The following ZNF644 variants were observed in gnomAD, a reference collection of about 807,000 sequenced individuals.
ZNF644 encodes the protein zinc finger motif enhancer binding protein 2.
A neutral mutation model predicts 108.0 loss-of-function variants in ZNF644; 20 were observed. That is an observed-to-expected ratio of 0.19 (90% confidence interval 0.13 to 0.27). The LOEUF is 0.27. Among genes scored for constraint, ZNF644 ranks in the 10% least tolerant of loss-of-function variants. The pLI, the probability that ZNF644 is intolerant of heterozygous loss-of-function variation, is 1.00. For synonymous variants in ZNF644, 542 were observed against 539.1 expected, an observed-to-expected ratio of 1.01 and a Z score of -0.08; for missense variants, 1,338 against 1,548.9, an observed-to-expected ratio of 0.86 and a Z score of 2.29.
chr1:91,000,672 A>C (rs1175137224), intron 1 of ZNF644, among the ~76,000 whole-genome samples: 6 of 152,234 alleles, frequency 3.9e-5, no homozygotes, highest in African/African-American at 1.4e-4. Flanking sequence ...AAAGCAAGAA[A>C]TAACTAAGAT....
At chr1:90,919,252 G>C (rs900317610) in intron 4 of ZNF644, among the ~76,000 whole-genome samples, 24 of 152,150 alleles carry the variant, frequency 1.6e-4, no homozygotes, top group African/African-American at 5.8e-4. Flanking sequence ...GGGATCCAAG[G>C]GGGGAGGGAT....
intron 4 of ZNF644, among the ~76,000 whole-genome samples, chr1:90,920,309 G>T (rs904842463): frequency 2.6e-5 from 4 of 151,960 alleles, no homozygotes; most frequent in Non-Finnish European, 4.4e-5. Flanking sequence ...ATAAATTACT[G>T]TAGGATACAA....
chr1:90,939,669 G>T lies in ZNF644; in HGVS notation c.1685C>A (p.Ala562Asp), dbSNP rs762150074. The T allele has an allele frequency of 6.2e-7, 1 of 1,613,924 alleles. No individual in the cohort carries two copies. Among genetic ancestry groups the T allele is most frequent in the Non-Finnish European group, 8.5e-7 (1 of 1,179,920 alleles). ...AGTCTTTTTTTGTGTTTTTCTCTGGGCAATATCAGAAGTGACCATAGGGCA... is the reference window on the plus strand; with the variant it reads ...AGTCTTTTTTTGTGTTTTTCTCTGGTCAATATCAGAAGTGACCATAGGGCA... ...VKCPMVTSDI[A>D]QRKTQKKTFM... Residue 562 changes from alanine to aspartate, a missense_variant, in exon 3 of 6, where the codon GCC becomes GAC. By Grantham distance (126) the Ala-to-Asp change is moderately radical (BLOSUM62 -2). Coordinates refer to ENST00000337393, the MANE Select transcript of ZNF644 (RefSeq NM_201269.3).
intron 2 of ZNF644, among the ~76,000 whole-genome samples, 164 bp downstream of exon 2, chr1:90,982,146 T>C (rs1656612407): frequency 6.6e-6 from 1 of 152,110 alleles, no homozygotes; most frequent in African/African-American, 2.4e-5. Flanking sequence ...TTTACTCCCA[T>C]CAAATCAACT....
rs1239177755 is a variant in ZNF644 at position 90,982,325 on chromosome 1, T to G, written c.29A>C (p.Asn10Thr). The G allele has an allele frequency of 6.2e-7, 1 of 1,610,608 alleles. No homozygotes were observed. The highest frequency in any genetic ancestry group is 8.5e-7 in the Non-Finnish European group (1 of 1,179,044). MRSFLQQDV[N>T]KTKSRLNVLN... is the part of the protein sequence containing the mutation. ...TTCTACTTACCTAGATTTTGTCTTA[T>G]TAACATCTTGCTGCAAGAACGATCT... The change falls in exon 2 of 6, where the codon AAT becomes ACT. Residue 10 changes from asparagine (N) to threonine (T), a missense_variant. Transcript: ENST00000337393.
Position 90,916,501 on chromosome 1 carries a change from T to C in ZNF644, c.*297A>G. 1 of 389,240 alleles carries C rather than the reference T, an allele frequency of 2.6e-6. No homozygotes were observed. Among genetic ancestry groups the C allele is most frequent in the South Asian group, 2.6e-5 (1 of 38,306 alleles). 24.1% of individuals were successfully genotyped at this position (389,240 alleles called of 1,614,324 possible). On this transcript the variant is annotated 3_prime_UTR_variant, in exon 6 of 6. Transcript: ENST00000337393. ...CATAATTGTCCAATAAGTCTGTCTA[T>C]AAGTATCCATGTGCAACAGTTTATT...
At chr1:90,950,659 G>A (rs913625929) in intron 2 of ZNF644, among the ~76,000 whole-genome samples, 3 of 152,034 alleles carry the variant, frequency 2.0e-5, no homozygotes, top group Admixed American at 1.3e-4. Context: ...GGCTTTAAAC[G>A]ATTCTCCCAA....
At chr1:90,922,121 C>T (rs1649515834) in intron 4 of ZNF644, among the ~76,000 whole-genome samples, 1 of 152,074 alleles carries the variant, frequency 6.6e-6, no homozygotes, top group Non-Finnish European at 1.5e-5. Context: ...TATAAATGAC[C>T]CAAGAGAATG....
At chr1:90,937,412 T>A (rs991663938) in intron 4 of ZNF644, 73 bp downstream of exon 4, 6 of 1,594,808 alleles carry the variant, frequency 3.8e-6, no homozygotes, top group Non-Finnish European at 5.1e-6. Flanking sequence ...ATTTTCCACA[T>A]AGATTCCATT....
chr1:90,966,188 A>G (rs781653033), intron 2 of ZNF644, among the ~76,000 whole-genome samples: 16 of 152,092 alleles, frequency 1.1e-4, no homozygotes, highest in Non-Finnish European at 1.9e-4. Context: ...ATTTGTGTCC[A>G]TCTCCTTCTT....
At chr1:90,984,337 G>A (rs1183853879) in intron 1 of ZNF644, among the ~76,000 whole-genome samples, 8 of 152,106 alleles carry the variant, frequency 5.3e-5, no homozygotes, top group Admixed American at 3.3e-4. Flanking sequence ...TACAGACTGG[G>A]TGGCTTACAT....
chr1:90,941,343 T>C (rs777493771), intron 2 of ZNF644, 34 bp from the exon 3 acceptor site: 5 of 1,574,378 alleles, frequency 3.2e-6, no homozygotes, highest in East Asian at 4.5e-5. Context: ...TAGATTTGCA[T>C]GAAAGAAAAA....
At chr1:90,969,119 CAT>C (rs1655214789) in intron 2 of ZNF644, among the ~76,000 whole-genome samples, 2 of 152,252 alleles carry the variant, frequency 1.3e-5, no homozygotes, top group East Asian at 3.9e-4. Context: ...CCCCAAAATT[CAT>C]ATGTTGAAGC....
At chr1:91,007,219 C>CTT (rs1557658445) in intron 1 of ZNF644, among the ~76,000 whole-genome samples, 8 of 114,292 alleles carry the variant, frequency 7.0e-5, no homozygotes, top group South Asian at 2.8e-4. Context: ...CATTTTCTCC[C>CTT]ATTTTGTTTT....
intron 2 of ZNF644, among the ~76,000 whole-genome samples, chr1:90,976,810 C>T (rs1026057675): frequency 2.0e-5 from 3 of 151,884 alleles, no homozygotes; most frequent in Non-Finnish European, 4.4e-5. Flanking sequence ...CAGGACAACC[C>T]CCTAGATACC....
chr1:90,931,168 T>C (rs956276661), intron 4 of ZNF644, among the ~76,000 whole-genome samples: 1 of 151,962 alleles, frequency 6.6e-6, no homozygotes, highest in Non-Finnish European at 1.5e-5. Flanking sequence ...ATGGCTAGCA[T>C]AAAAATACAT....
At position 90,938,986 on chromosome 1, in the gene ZNF644, G is replaced by C; in HGVS notation, c.2368C>G (p.His790Asp). 6.2e-7 allele frequency: 1 copy of C among 1,614,020 alleles called. No homozygotes were observed. The highest frequency in any genetic ancestry group is 2.2e-5 in the East Asian group (1 of 44,872). The change falls in exon 3 of 6, where the codon CAT becomes GAT. Residue 790 changes from histidine (H) to aspartate (D), a missense_variant. Physicochemically the swap from His to Asp is moderately conservative, Grantham distance 81. This residue lies in a region of ZNF644 where 462 missense variants were observed against 472.6 expected (regional missense o/e 0.98). Transcript: ENST00000337393. This position sits in a 1 kb window ranked among gnomAD's most constrained non-coding sequence, Gnocchi z 4.2. The stretch of plus-strand genomic sequence containing the variant: ...TCAGGCCTTTTGGCGTCAGGCTTAT[G>C]AGGGTCTGAAATAAAATTGTTGTGA... Reference protein sequence around the residue: ...NSHNNFISDPHKPDAKRPESF... With the variant: ...NSHNNFISDPDKPDAKRPESF...
chr1:90,959,946 C>T (rs1654162187), intron 2 of ZNF644, among the ~76,000 whole-genome samples: 3 of 152,236 alleles, frequency 2.0e-5, no homozygotes, highest in Admixed American at 6.5e-5. Context: ...TTCTACGGAG[C>T]TTGATGACAT....
At chr1:90,986,641 C>T (rs960568002) in intron 1 of ZNF644, among the ~76,000 whole-genome samples, 1 of 151,886 alleles carries the variant, frequency 6.6e-6, no homozygotes, top group African/African-American at 2.4e-5. Context: ...AAAAGAATGT[C>T]TATTAATTTT....
Sources: allele counts gnomAD v4.1 joint callset (sites outside exome capture counted in the v4.1 genomes callset), GRCh38; gene constraint gnomAD v4.1.1; regional missense constraint gnomAD v4.1.1; non-coding constraint Gnocchi (gnomAD v3.1); transcripts MANE v1.5; gene names NCBI Gene and HGNC (gene_info 2026-07-23, HGNC 2026-07-21).